ADAMTSL1: variants seen among roughly 807,000 people sequenced by gnomAD.
ADAMTSL1 encodes the protein ADAMTS like 1, also known as ADAMTS-like protein 1.
Under a neutral mutation model 201.8 loss-of-function variants are expected in ADAMTSL1, and 126 were observed. The ratio of observed to expected loss-of-function variants is 0.62; its 90% confidence interval spans 0.54 to 0.72. ADAMTSL1 has a LOEUF of 0.72. Among genes scored for constraint, ADAMTSL1 ranks in the 30% least tolerant of loss-of-function variants. ADAMTSL1 has a pLI of 0.00. For synonymous variants in ADAMTSL1, 1,121 were observed against 903.4 expected (o/e 1.24, Z -4.32); for missense variants, 2,679 against 2,277.8 (o/e 1.18, Z -3.59).
chr9:17,954,784 A>G (rs1486351836), intron 1 of ADAMTSL1, among the ~76,000 whole-genome samples: 1 of 152,176 alleles, frequency 6.6e-6, no homozygotes, highest in African/African-American at 2.4e-5. Flanking sequence ...AATTAAACAC[A>G]GTTAGGTCTG....
chr9:18,340,526 C>T (rs927158194), intron 2 of ADAMTSL1, among the ~76,000 whole-genome samples: 1 of 152,074 alleles, frequency 6.6e-6, no homozygotes, highest in Admixed American at 6.6e-5. Context: ...CAAGTAATCA[C>T]CAAGCTCTAT....
intron 2 of ADAMTSL1, among the ~76,000 whole-genome samples, chr9:18,391,081 C>T (rs1398765808): frequency 1.3e-5 from 2 of 152,068 alleles, no homozygotes; most frequent in Non-Finnish European, 2.9e-5. Context: ...GGTCTCTTGT[C>T]GATTCACTCC....
rs1830269336 is a variant in ADAMTSL1, at chr9:18,678,717, A to T, written c.1137-1595A>T. Among the ~76,000 whole-genome samples, 3 of 152,158 alleles carry T rather than the reference A, an allele frequency of 2.0e-5. 1 individual carries two copies. Among genetic ancestry groups the T allele is most frequent in the African/African-American group, 4.8e-5 (2 of 41,448 alleles). On this transcript the variant is annotated intron_variant, in intron 10 of 28. Transcript: ENST00000380548. ...TGATTAAATGTACATTTAAAAACAT[A>T]TTCCTACTTCACTGTCAGATCAAAT...
At chr9:18,647,015 G>A (rs1282063832) in intron 7 of ADAMTSL1, among the ~76,000 whole-genome samples, 2 of 152,062 alleles carry the variant, frequency 1.3e-5, no homozygotes, top group East Asian at 1.9e-4. Context: ...AATCCATCTG[G>A]TCCTGGACTC....
intron 23 of ADAMTSL1, among the ~76,000 whole-genome samples, chr9:18,845,120 G>A (rs527280137): frequency 8.5e-5 from 13 of 152,310 alleles, no homozygotes; most frequent in South Asian, 4.1e-4. Context: ...GAAATCACCC[G>A]TCTTCTGCAT....
At chr9:18,002,979 C>A (rs1372486106) in intron 1 of ADAMTSL1, among the ~76,000 whole-genome samples, 2 of 152,070 alleles carry the variant, frequency 1.3e-5, no homozygotes, top group Admixed American at 6.6e-5. Context: ...TTTACCAATA[C>A]TCTGAATTGC....
chr9:18,510,012 G>C (rs571533718), intron 2 of ADAMTSL1, among the ~76,000 whole-genome samples: 1 of 152,246 alleles, frequency 6.6e-6, no homozygotes, highest in South Asian at 2.1e-4. Flanking sequence ...TATGCTTAGA[G>C]GCCTAGCAGG....
intron 1 of ADAMTSL1, among the ~76,000 whole-genome samples, chr9:18,071,541 C>T: frequency 6.6e-6 from 1 of 152,282 alleles, no homozygotes. Flanking sequence ...TAGACTATAA[C>T]AATGCTAGGA....
chr9:18,004,163 A>G (rs1001135909), intron 1 of ADAMTSL1, among the ~76,000 whole-genome samples: 3 of 152,054 alleles, frequency 2.0e-5, no homozygotes, highest in Non-Finnish European at 4.4e-5. Context: ...TCAGCTAGCA[A>G]TAAAAGGGTT....
In ADAMTSL1 at chr9:18,551,540, C is replaced by T. The variant is rs549021692; in HGVS notation, c.237+18248C>T. On this transcript the variant is annotated intron_variant, in intron 3 of 28. Transcript: ENST00000380548. ...TCTTTGGGGGAAGATTTTTCATTAC[C>T]GCTGAATTTTTTTTTTTTTTTTTAA... Among the ~76,000 whole-genome samples the T allele has an allele frequency of 1.1e-4, 14 of 125,106 alleles. No homozygotes were observed. In the East Asian group the frequency reaches 2.7e-3, roughly 24 times the overall value. 82.1% of individuals were successfully genotyped at this position (125,106 alleles called of 152,430 possible).
chr9:18,315,372 C>A (rs997950678), intron 2 of ADAMTSL1, among the ~76,000 whole-genome samples: 1 of 152,064 alleles, frequency 6.6e-6, no homozygotes, highest in African/African-American at 2.4e-5. Context: ...CCATGCCAGG[C>A]GCCTGTACTC....
rs1426478631 is a variant in ADAMTSL1 at position 18,909,318 on chromosome 9, A to C, written c.*770A>C. ...TCATGGACCAGCTCTGATCCCATGC[A>C]TGTGCGCATGCTCAGAGCCCTGCTG... On this transcript the variant is annotated 3_prime_UTR_variant, in exon 29 of 29. Coordinates refer to ENST00000380548, the MANE Select transcript of ADAMTSL1 (RefSeq NM_001040272.6). 1 of 152,340 alleles carries C rather than the reference A, an allele frequency of 6.6e-6. No individual in the cohort carries two copies. Among genetic ancestry groups the C allele is most frequent in the Non-Finnish European group, 1.5e-5 (1 of 68,140 alleles). 9.4% of individuals were successfully genotyped at this position (152,340 alleles called of 1,614,324 possible). A position where few individuals can be genotyped will look rare whatever the true frequency, so the allele number is the denominator to read the frequency against.
At chr9:18,721,481 C>T (rs1564181052) in intron 14 of ADAMTSL1, 55 bp from the exon 15 acceptor site, 4 of 1,597,362 alleles carry the variant, frequency 2.5e-6, no homozygotes, top group South Asian at 2.3e-5. Flanking sequence ...ACTTCATCAC[C>T]CCCCACACAC....
intron 2 of ADAMTSL1, among the ~76,000 whole-genome samples, chr9:18,369,850 T>C (rs1836963850): frequency 6.6e-6 from 1 of 152,214 alleles, no homozygotes; most frequent in Non-Finnish European, 1.5e-5. Flanking sequence ...TGCAGCAACA[T>C]TTTGCTTGTC....
At chr9:18,257,874 A>T (rs574591766) in intron 2 of ADAMTSL1, among the ~76,000 whole-genome samples, 1 of 152,374 alleles carries the variant, frequency 6.6e-6, no homozygotes, top group East Asian at 1.9e-4. Flanking sequence ...AAGGACAAAT[A>T]CTATGTGATT....
At chr9:18,736,420 T>C (rs1432989127) in intron 15 of ADAMTSL1, among the ~76,000 whole-genome samples, 1 of 152,200 alleles carries the variant, frequency 6.6e-6, no homozygotes, top group Non-Finnish European at 1.5e-5. Context: ...AGAAACACCT[T>C]ATGTGAAAAT....
intron 3 of ADAMTSL1, among the ~76,000 whole-genome samples, chr9:18,538,318 G>A (rs1819919665): frequency 6.6e-6 from 1 of 152,110 alleles, no homozygotes; most frequent in Non-Finnish European, 1.5e-5. Context: ...GCATTGTTGT[G>A]TGAAACAGGA....
chr9:18,189,768 T>C (rs1238575336), intron 2 of ADAMTSL1, among the ~76,000 whole-genome samples: 4 of 152,202 alleles, frequency 2.6e-5, no homozygotes, highest in Non-Finnish European at 5.9e-5. Flanking sequence ...TGGCAAGATA[T>C]GTTTTTTTAA....
At chr9:18,254,567 GTTAGCCAGGA>G in intron 2 of ADAMTSL1, among the ~76,000 whole-genome samples, 1 of 151,508 alleles carries the variant, frequency 6.6e-6, no homozygotes. Flanking sequence ...GTTTCACCAT[GTTAGCCAGGA>G]TGGTCTCGAT....
Sources: gnomAD v4.1 joint callset for allele counts (sites outside exome capture counted in the v4.1 genomes callset) on GRCh38, gnomAD v4.1.1 for gene constraint, MANE v1.5 for transcripts, NCBI Gene and HGNC (gene_info 2026-07-23, HGNC 2026-07-21) for gene names.